The following RGS6 variants were observed in gnomAD, a reference collection of about 807,000 sequenced individuals.
RGS6 encodes the protein regulator of G protein signaling 6, also known as regulator of G-protein signaling 6.
A neutral mutation model predicts 78.5 loss-of-function variants in RGS6; 30 were observed. The ratio of observed to expected loss-of-function variants is 0.38; its 90% confidence interval spans 0.29 to 0.52. The LOEUF is 0.52. Among genes scored for constraint, RGS6 ranks in the 20% least tolerant of loss-of-function variants. The pLI, the probability that RGS6 is intolerant of heterozygous loss-of-function variation, is 0.85. For synonymous variants in RGS6, 206 were observed against 206.0 expected, an observed-to-expected ratio of 1.00 and a Z score of 0.00; for missense variants, 495 against 609.7, an observed-to-expected ratio of 0.81 and a Z score of 1.98.
intron 3 of RGS6, among the ~76,000 whole-genome samples, chr14:72,380,098 C>A (rs10138180): frequency 4.0e-5 from 6 of 151,788 alleles, no homozygotes; most frequent in African/African-American, 9.6e-5. Flanking sequence ...AAATGGTCCC[C>A]AAAAAATCAG....
chr14:72,435,674 G>T (rs905527047), intron 3 of RGS6, among the ~76,000 whole-genome samples: 2 of 151,816 alleles, frequency 1.3e-5, no homozygotes, highest in Non-Finnish European at 2.9e-5. Context: ...TTCTTGTCTC[G>T]TGGCCCTTTC....
At chr14:72,364,951 G>C (rs965766971) in intron 3 of RGS6, among the ~76,000 whole-genome samples, 1 of 152,168 alleles carries the variant, frequency 6.6e-6, no homozygotes, top group African/African-American at 2.4e-5. Context: ...AGAGAATAAT[G>C]TTGATAAAAA....
chr14:72,555,188 G>A (rs567260767), intron 17 of RGS6, among the ~76,000 whole-genome samples: 1 of 152,326 alleles, frequency 6.6e-6, no homozygotes, highest in African/African-American at 2.4e-5. Flanking sequence ...ACCTGCTCCT[G>A]TCCTCCCTGG....
At chr14:72,119,731 T>C (rs528926341) in intron 2 of RGS6, among the ~76,000 whole-genome samples, 47 of 152,284 alleles carry the variant, frequency 3.1e-4, no homozygotes, top group African/African-American at 1.0e-3. Context: ...AATTTAGAAG[T>C]GAGACTATAG....
intron 3 of RGS6, among the ~76,000 whole-genome samples, chr14:72,370,194 G>C (rs1403005928): frequency 6.6e-6 from 1 of 151,496 alleles, no homozygotes; most frequent in Non-Finnish European, 1.5e-5. Flanking sequence ...GAGTTAACAA[G>C]AGAATAAAGA....
At chr14:72,040,775 G>A (rs1386897270) in intron 2 of RGS6, among the ~76,000 whole-genome samples, 1 of 151,626 alleles carries the variant, frequency 6.6e-6, no homozygotes, top group Non-Finnish European at 1.5e-5. Context: ...TTTCTTTTTT[G>A]GCTTTGACTA....
intron 2 of RGS6, among the ~76,000 whole-genome samples, chr14:71,966,511 G>A (rs144170539): frequency 3.2e-4 from 49 of 152,292 alleles, no homozygotes; most frequent in Middle Eastern, 3.4e-3. Flanking sequence ...GGGAGACCCC[G>A]TGCCAGGCTG....
chr14:71,936,614 T>C (rs2089441745), intron 1 of RGS6, among the ~76,000 whole-genome samples: 2 of 152,134 alleles, frequency 1.3e-5, no homozygotes, highest in Admixed American at 1.3e-4. Context: ...GTGCATAACA[T>C]AATACAACTA....
At chr14:72,349,318 G>A (rs942888272) in intron 2 of RGS6, among the ~76,000 whole-genome samples, 15 of 152,130 alleles carry the variant, frequency 9.9e-5, no homozygotes, top group African/African-American at 3.4e-4. Context: ...ATTCTGAGGC[G>A]TGTTCTTCTC....
chr14:72,054,832 A>G (rs1275412930), intron 2 of RGS6, among the ~76,000 whole-genome samples: 2 of 151,914 alleles, frequency 1.3e-5, no homozygotes, highest in Admixed American at 6.5e-5. Context: ...ACATTGTTTC[A>G]TTTTGCCTGG....
intron 3 of RGS6, among the ~76,000 whole-genome samples, chr14:72,452,860 T>C (rs1257043942): frequency 1.3e-5 from 2 of 152,228 alleles, no homozygotes; most frequent in Non-Finnish European, 2.9e-5. Context: ...TACTGCCATG[T>C]ACACAGTGCT....
At position 71,959,617 on chromosome 14, in the gene RGS6, C is replaced by T. The variant is rs117673506; in HGVS notation, c.-20-5155C>T. ...ATTGTAGTTGGTTCTCCTCTTAGCT[C>T]TGTGTCAGGATCACCTGAGGAGGTT... On this transcript the variant is annotated intron_variant, in intron 1 of 17. Transcript: ENST00000553525. Among the ~76,000 whole-genome samples, 4 of 150,294 alleles carry T rather than the reference C, an allele frequency of 2.7e-5. No homozygotes were observed. In the East Asian group the frequency reaches 8.0e-4, roughly 30 times the overall value.
In RGS6 at chr14:72,412,104, G is replaced by C. The variant is rs186857187; in HGVS notation, c.185-42424G>C. On this transcript the variant is annotated intron_variant, in intron 3 of 17. Coordinates refer to ENST00000553525, the MANE Select transcript of RGS6 (RefSeq NM_001204424.2). ...CATAAAATGAGTTAGGAAGGATTCC[G>C]TCTTTTTCTATTGACTGGAATGGTT... Among the ~76,000 whole-genome samples the C allele has an allele frequency of 2.5e-3, 382 of 152,222 alleles. 2 individuals are homozygous for C. Among genetic ancestry groups the C allele is most frequent in the African/African-American group, 7.8e-3 (323 of 41,550 alleles).
chr14:72,283,753 T>C (rs1306933305), intron 2 of RGS6, among the ~76,000 whole-genome samples: 1 of 152,188 alleles, frequency 6.6e-6, no homozygotes, highest in African/African-American at 2.4e-5. Flanking sequence ...ATTGTAAAGA[T>C]ACCTGAAAAT....
At chr14:72,184,930 T>G (rs1226123551) in intron 2 of RGS6, among the ~76,000 whole-genome samples, 1 of 152,010 alleles carries the variant, frequency 6.6e-6, no homozygotes, top group Non-Finnish European at 1.5e-5. Flanking sequence ...CATCACAAGG[T>G]CAAGTCCCAC....
At chr14:71,983,603 T>C (rs1258781766) in intron 2 of RGS6, among the ~76,000 whole-genome samples, 1 of 152,226 alleles carries the variant, frequency 6.6e-6, no homozygotes, top group Non-Finnish European at 1.5e-5. Flanking sequence ...TTGGTGTTCC[T>C]TGGCTTGCAG....
chr14:71,872,272 G>T, the RGS6 span, among the ~76,000 whole-genome samples: 2 of 152,152 alleles, frequency 1.3e-5, no homozygotes, highest in African/African-American at 2.4e-5. Flanking sequence ...GTGACTCAGG[G>T]CTTCCTTCTG....
At chr14:72,414,310 T>C (rs545621382) in intron 3 of RGS6, among the ~76,000 whole-genome samples, 6 of 152,246 alleles carry the variant, frequency 3.9e-5, no homozygotes, top group Middle Eastern at 3.2e-3. Context: ...TTCATTTCAT[T>C]CATTTCGTCT....
intron 3 of RGS6, among the ~76,000 whole-genome samples, chr14:72,356,688 C>A (rs2080360068): frequency 6.6e-6 from 1 of 152,190 alleles, no homozygotes; most frequent in African/African-American, 2.4e-5. Context: ...TACCTCTATG[C>A]TGTTCTCATG....
Sources: gnomAD v4.1 joint callset for allele counts (sites outside exome capture counted in the v4.1 genomes callset) on GRCh38, gnomAD v4.1.1 for gene constraint, MANE v1.5 for transcripts, NCBI Gene and HGNC (gene_info 2026-07-23, HGNC 2026-07-21) for gene names.